Variants in SYNPR observed in about 807,000 individuals in gnomAD.
SYNPR encodes the protein synaptoporin.
Under a neutral mutation model 32.9 loss-of-function variants are expected in SYNPR, and 23 were observed. The observed-to-expected ratio is 0.70, with a 90% CI of 0.50 to 0.99. SYNPR has a LOEUF of 0.99. Among genes scored for constraint, SYNPR ranks in the 50% least tolerant of loss-of-function variants. SYNPR has a pLI of 0.00. For missense variants in SYNPR, 318 were observed against 349.3 expected (o/e 0.91, Z 0.71); for synonymous variants, 146 against 135.9 (o/e 1.07, Z -0.52).
At chr3:63,355,531 G>A (rs1027865635) in intron 2 of SYNPR, among the ~76,000 whole-genome samples, 6 of 152,132 alleles carry the variant, frequency 3.9e-5, no homozygotes, top group African/African-American at 1.4e-4. Flanking sequence ...CTTTGAAAAT[G>A]CAATTTTGAA....
At chr3:63,605,729 A>C (rs1031348409) in intron 4 of SYNPR, among the ~76,000 whole-genome samples, 17 of 152,218 alleles carry the variant, frequency 1.1e-4, no homozygotes, top group African/African-American at 3.9e-4. Flanking sequence ...GCATCATGAT[A>C]CAATGAAATT....
intron 3 of SYNPR, among the ~76,000 whole-genome samples, chr3:63,539,897 A>T (rs759391467): frequency 6.6e-6 from 1 of 152,004 alleles, no homozygotes; most frequent in Non-Finnish European, 1.5e-5. Context: ...ACTGACTTCC[A>T]CCCTCCAGGG....
intron 2 of SYNPR, among the ~76,000 whole-genome samples, chr3:63,434,706 CTT>C (rs1700049665): frequency 6.6e-6 from 1 of 152,296 alleles, no homozygotes; most frequent in Admixed American, 6.5e-5. Flanking sequence ...CCATACCAGG[CTT>C]TAAGAAATGT....
chr3:63,516,856 G>A (rs1444502087), intron 3 of SYNPR, among the ~76,000 whole-genome samples: 2 of 151,950 alleles, frequency 1.3e-5, no homozygotes, highest in South Asian at 2.1e-4. Context: ...TTTACATGTG[G>A]TTCATGTTTT....
intron 2 of SYNPR, chr3:63,445,652 C>T (rs1700263553): frequency 6.6e-6 from 4 of 604,746 alleles, no homozygotes; most frequent in East Asian, 2.8e-5. Context: ...GACAAGCACT[C>T]TATGAGGGCC....
chr3:63,224,600 T>G (rs903791514), upstream of SYNPR, among the ~76,000 whole-genome samples: 1 of 152,214 alleles, frequency 6.6e-6, no homozygotes, highest in East Asian at 1.9e-4. Flanking sequence ...TTTAATAAAC[T>G]TCAGTTTGTC....
At chr3:63,560,066 A>T (rs1362189461) in intron 4 of SYNPR, among the ~76,000 whole-genome samples, 1 of 152,158 alleles carries the variant, frequency 6.6e-6, no homozygotes, top group African/African-American at 2.4e-5. Flanking sequence ...CTTTCCCATC[A>T]AGCAAGATAT....
At chr3:63,418,882 A>G (rs1386826309) in intron 2 of SYNPR, among the ~76,000 whole-genome samples, 1 of 152,212 alleles carries the variant, frequency 6.6e-6, no homozygotes, top group Non-Finnish European at 1.5e-5. Flanking sequence ...TTTAATCTGG[A>G]AAGTCTGGTC....
intron 2 of SYNPR, among the ~76,000 whole-genome samples, chr3:63,297,622 C>T (rs2086802730): frequency 1.3e-5 from 2 of 152,248 alleles, no homozygotes; most frequent in South Asian, 2.1e-4. Flanking sequence ...CGCATTGAGA[C>T]ATTTATTTAT....
chr3:63,337,599 C>T (rs138799026), intron 2 of SYNPR, among the ~76,000 whole-genome samples: 5 of 152,098 alleles, frequency 3.3e-5, no homozygotes, highest in East Asian at 1.9e-4. Flanking sequence ...ATCCCCAAAC[C>T]GGAAGCAACC....
intron 3 of SYNPR, among the ~76,000 whole-genome samples, chr3:63,528,605 T>C (rs1321960655): frequency 2.0e-5 from 3 of 151,890 alleles, no homozygotes; most frequent in Non-Finnish European, 4.4e-5. Flanking sequence ...ACACTTACTA[T>C]TCTTCCAGTT....
Position 63,388,017 on chromosome 3 carries a change from G to A in SYNPR, c.85-92815G>A, listed in dbSNP as rs557252934. On this transcript the variant is annotated intron_variant, in intron 2 of 5. Transcript: ENST00000478300. ...GAAGGTGAGCCACAGCATAGTCACAGGAAAGATAGCAGCTGAGCGGACCCT... is the reference window on the plus strand; with the variant it reads ...GAAGGTGAGCCACAGCATAGTCACAAGAAAGATAGCAGCTGAGCGGACCCT... Among the ~76,000 whole-genome samples the A allele has an allele frequency of 2.0e-5, 3 of 152,290 alleles. No individual in the cohort carries two copies. The South Asian group carries it at 6.2e-4, about 32-fold the overall frequency.
intron 3 of SYNPR, among the ~76,000 whole-genome samples, chr3:63,499,990 T>A (rs976739366): frequency 6.6e-5 from 10 of 152,152 alleles, no homozygotes; most frequent in Non-Finnish European, 1.0e-4. Flanking sequence ...CCATTGGGAT[T>A]AAATTTTTTT....
chr3:63,562,046 T>C (rs1047356054), intron 4 of SYNPR, among the ~76,000 whole-genome samples: 3 of 152,210 alleles, frequency 2.0e-5, no homozygotes, highest in African/African-American at 7.2e-5. Context: ...AGTGTCTTCA[T>C]GTACAGATAA....
At chr3:63,381,076 T>C (rs1212447617) in intron 2 of SYNPR, among the ~76,000 whole-genome samples, 2 of 152,088 alleles carry the variant, frequency 1.3e-5, no homozygotes, top group Non-Finnish European at 2.9e-5. Flanking sequence ...GAGAAAGAAA[T>C]AAAGGGTATT....
At chr3:63,260,639 A>G (rs2086430104) in intron 2 of SYNPR, among the ~76,000 whole-genome samples, 2 of 152,192 alleles carry the variant, frequency 1.3e-5, no homozygotes, top group Admixed American at 1.3e-4. Context: ...CCTAGGCAAT[A>G]CCATTCAGGA....
At chr3:63,585,310 T>C (rs1230118834) in intron 4 of SYNPR, among the ~76,000 whole-genome samples, 1 of 152,016 alleles carries the variant, frequency 6.6e-6, no homozygotes, top group Non-Finnish European at 1.5e-5. Context: ...CAGGATGAAA[T>C]GAAAACCAAG....
At chr3:63,298,192 G>C (rs2086810213) in intron 2 of SYNPR, among the ~76,000 whole-genome samples, 1 of 152,074 alleles carries the variant, frequency 6.6e-6, no homozygotes. Flanking sequence ...TGTTGGTTTG[G>C]CCTACACTCA....
intron 4 of SYNPR, among the ~76,000 whole-genome samples, chr3:63,585,427 A>G (rs999624461): frequency 6.9e-6 from 1 of 145,778 alleles, no homozygotes; most frequent in South Asian, 2.2e-4. Flanking sequence ...TTTCAGTCAC[A>G]TGTTTCCTTC....
Sources: allele counts gnomAD v4.1 joint callset (sites outside exome capture counted in the v4.1 genomes callset), GRCh38; gene constraint gnomAD v4.1.1; transcripts MANE v1.5; gene names NCBI Gene and HGNC (gene_info 2026-07-23, HGNC 2026-07-21).